The following PSMD6 variants were observed in gnomAD, a reference collection of about 807,000 sequenced individuals.
PSMD6 encodes 26S proteasome non-ATPase regulatory subunit 6.
Under a neutral mutation model 44.9 loss-of-function variants are expected in PSMD6, and 7 were observed. That is an observed-to-expected ratio of 0.16 (90% CI 0.09 to 0.29). The LOEUF (loss-of-function observed/expected upper bound fraction) is 0.29. Ranked by LOEUF, PSMD6 falls within the 10% of genes least tolerant of loss-of-function variation. The pLI is 1.00. For missense variants in PSMD6, 420 were observed against 482.6 expected, an observed-to-expected ratio of 0.87 and a Z score of 1.21; for synonymous variants, 184 against 172.7, an observed-to-expected ratio of 1.07 and a Z score of -0.51.
At chr3:64,016,285 G>A (rs920399303) in intron 5 of PSMD6, 2 of 152,130 alleles carry the variant, frequency 1.3e-5, no homozygotes, top group African/African-American at 4.8e-5. Context: ...GTGAATGTGT[G>A]TATGGATTTG....
rs558323550 is a variant in PSMD6, at chr3:64,011,456, C to CCCATTTTAAAAAAGGGG, written c.996-518_996-502dup. The stretch of plus-strand genomic sequence containing the variant: ...GAAATGATGTAGAATTATTGCTTTG[C>CCCATTTTAAAAAAGGGG]CCATTTTAAAAAAGGGGATTTCATC... On this transcript the variant is annotated intron_variant, in intron 6 of 7. Transcript: ENST00000295901. The CCCATTTTAAAAAAGGGG allele has an allele frequency of 4.6e-5, 7 of 151,950 alleles. 1 individual carries two copies. The South Asian group carries it at 1.5e-3, about 32-fold the overall frequency. 9.4% of individuals were successfully genotyped at this position (151,950 alleles called of 1,614,324 possible).
At chr3:64,022,257 T>C in intron 2 of PSMD6, 61 bp downstream of exon 2, 1 of 1,558,530 alleles carries the variant, frequency 6.4e-7, no homozygotes, top group South Asian at 1.1e-5. Flanking sequence ...AACGATTACC[T>C]GGAATAGTCT....
rs534723028 is a variant in PSMD6 at position 64,023,473 on chromosome 3, G to T, written c.-54C>A. 2.4e-5 allele frequency: 36 copies of T among 1,503,690 alleles called. No homozygotes were observed. The African/African-American group carries it at 4.8e-4, about 20-fold the overall frequency. The allele number at this position is 1,503,690 out of a possible 1,614,324, so 93.1% of individuals were successfully genotyped here. On this transcript the variant is annotated 5_prime_UTR_variant, in exon 1 of 8. Coordinates refer to ENST00000295901, the MANE Select transcript of PSMD6 (RefSeq NM_014814.3). ...ACACAACTTGGTTACGACCGGCTGC[G>T]GCAGCGGAAGCGGGAGGAGTCGGCG...
chr3:64,018,578 A>G, intron 5 of PSMD6, 21 bp downstream of exon 5: 1 of 1,494,096 alleles, frequency 6.7e-7, no homozygotes, highest in South Asian at 1.2e-5. Context: ...AGATAATCAA[A>G]AATATCAACC....
At chr3:64,022,157 A>C (rs1028646841) in intron 2 of PSMD6, among the ~76,000 whole-genome samples, 161 bp downstream of exon 2, 1 of 152,244 alleles carries the variant, frequency 6.6e-6, no homozygotes, top group Non-Finnish European at 1.5e-5. Flanking sequence ...CATGGAGACG[A>C]CTTTTTCATC....
chr3:64,023,541 C>CG (rs2076169715), upstream of PSMD6: 2 of 1,413,336 alleles, frequency 1.4e-6, no homozygotes, highest in Non-Finnish European at 1.9e-6. Context: ...GTCCCGTCTC[C>CG]GCCGGCAGCG....
intron 2 of PSMD6, among the ~76,000 whole-genome samples, chr3:64,020,580 T>C (rs1253211249): frequency 3.9e-5 from 6 of 152,162 alleles, no homozygotes. Flanking sequence ...TTCTAAACTT[T>C]TCTGTATTTT....
chr3:64,022,575 CAA>C, intron 1 of PSMD6, 52 bp from the exon 2 acceptor site: 3 of 1,605,286 alleles, frequency 1.9e-6, no homozygotes, highest in Non-Finnish European at 2.6e-6. Context: ...GCCCTCAAGT[CAA>C]AGTCTGCCCA....
intron 5 of PSMD6, chr3:64,017,145 G>C (rs2076057042): frequency 6.6e-6 from 1 of 152,352 alleles, no homozygotes. Flanking sequence ...CCAGGGGCTG[G>C]GGGAAAGGAG....
chr3:64,019,488 C>A, intron 2 of PSMD6, 47 bp from the exon 3 acceptor site: 2 of 1,562,982 alleles, frequency 1.3e-6, no homozygotes, highest in Non-Finnish European at 1.7e-6. Context: ...TACAAGTTTC[C>A]AAAAAAAGCT....
chr3:64,022,756 G>A (rs1322720104), intron 1 of PSMD6: 2 of 1,536,396 alleles, frequency 1.3e-6, no homozygotes, highest in South Asian at 1.2e-5. Flanking sequence ...AGGGCTGGAG[G>A]GAGGGCAATC....
chr3:64,011,659 A>AACTG (rs2075955316), intron 6 of PSMD6: 1 of 152,082 alleles, frequency 6.6e-6, no homozygotes, highest in East Asian at 1.9e-4. Flanking sequence ...GAAAAAAAAA[A>AACTG]AACTGAACAA....
At position 64,010,893 on chromosome 3, in the gene PSMD6, A is replaced by G. The variant is rs1355856889; in HGVS notation, c.1058T>C (p.Ile353Thr). ...ATGAGAGTACCTGTTGGTTTCTACT[A>G]TTTCATTCACTTTATCTATTTTGCA... ...LHCKIDKVNEIVETNRPDSKN... is the reference protein window; with the variant it reads ...LHCKIDKVNETVETNRPDSKN... The change falls in exon 7 of 8, where the codon ATA (isoleucine) becomes ACA (threonine). Residue 353 changes from isoleucine to threonine, a missense_variant. This residue lies in a region of PSMD6 where 63 missense variants were observed against 112.1 expected (regional missense o/e 0.56). Transcript: ENST00000295901. 2.5e-6 allele frequency: 4 copies of G among 1,610,822 alleles called. No homozygotes were observed. The Admixed American group carries it at 5.0e-5, about 20-fold the overall frequency.
At chr3:64,018,525 G>A (rs1246489888) in intron 5 of PSMD6, 74 bp downstream of exon 5, 24 of 1,126,944 alleles carry the variant, frequency 2.1e-5, no homozygotes, top group Middle Eastern at 2.0e-4. Context: ...GTGAAAAATC[G>A]TCTTAGGTTA....
Position 64,023,448 on chromosome 3 carries a change from A to G in PSMD6, c.-29T>C, listed in dbSNP as rs747252424. The G allele has an allele frequency of 1.3e-6, 2 of 1,567,494 alleles. No individual in the cohort carries two copies. Among genetic ancestry groups the G allele is most frequent in the South Asian group, 1.1e-5 (1 of 87,872 alleles). On this transcript the variant is annotated 5_prime_UTR_variant, in exon 1 of 8. Transcript: ENST00000295901. ...GGCGAAGGGGACAGCGGCTGACAGG[A>G]CACAACTTGGTTACGACCGGCTGCG... is the stretch of plus-strand genomic sequence containing the variant.
At position 64,019,325 on chromosome 3, in the gene PSMD6, G is replaced by A; in HGVS notation, c.468C>T (p.Leu156=). 2.5e-6 allele frequency: 4 copies of A among 1,590,774 alleles called. No homozygotes were observed. The highest frequency in any genetic ancestry group is 3.5e-6 in the Non-Finnish European group (4 of 1,158,918). ...RIGLFYMDND[L]ITRNTEKAKS... ...TGGCCTTTTCTGTGTTTCGTGTGAT[G>A]AGATCATTATCCATATAAAATAAGC... is the stretch of plus-strand genomic sequence containing the variant. The change falls in exon 3 of 8, where the codon CTC becomes CTT. Residue 156 remains leucine, a synonymous_variant. Transcript: ENST00000295901.
upstream of PSMD6, chr3:64,023,602 C>T (rs933411953): frequency 3.5e-6 from 5 of 1,414,554 alleles, no homozygotes; most frequent in African/African-American, 4.4e-5. Context: ...GGCGCCTGCG[C>T]CCCTGTGTGG....
At chr3:64,018,459 A>G in intron 5 of PSMD6, 140 bp downstream of exon 5, 1 of 622,602 alleles carries the variant, frequency 1.6e-6, no homozygotes, top group Non-Finnish European at 2.8e-6. Flanking sequence ...AACTGGGCAC[A>G]TTAGGAATAC....
chr3:64,010,595 G>T lies in PSMD6; in HGVS notation c.*73C>A. ...TATTTATTTTATACAGCTGACCTGG[G>T]CACATTGTGAAGTAAGCTATAAAAA... On this transcript the variant is annotated 3_prime_UTR_variant, in exon 8 of 8. Coordinates refer to ENST00000295901, the MANE Select transcript of PSMD6 (RefSeq NM_014814.3). 3 of 1,097,914 alleles carry T rather than the reference G, an allele frequency of 2.7e-6. No individual in the cohort carries two copies. Among genetic ancestry groups the T allele is most frequent in the Non-Finnish European group, 4.0e-6 (3 of 755,010 alleles). The allele number at this position is 1,097,914 out of a possible 1,614,324, so 68.0% of individuals were successfully genotyped here.
Sources: gnomAD v4.1 joint callset for allele counts (sites outside exome capture counted in the v4.1 genomes callset) on GRCh38, gnomAD v4.1.1 for gene constraint, gnomAD v4.1.1 regional missense constraint, MANE v1.5 for transcripts, NCBI Gene and HGNC (gene_info 2026-07-23, HGNC 2026-07-21) for gene names.